The following BICC1 variants were observed in gnomAD, a reference collection of about 807,000 sequenced individuals.
BICC1 encodes the protein BicC family RNA binding protein 1, also known as protein bicaudal C homolog 1.
In BICC1, 43 loss-of-function variants were observed where a neutral mutation model predicts 111.0. That is an observed-to-expected ratio of 0.39 (90% CI 0.30 to 0.50). The LOEUF (loss-of-function observed/expected upper bound fraction) is 0.50. Ranked by LOEUF, BICC1 falls within the 20% of genes least tolerant of loss-of-function variation. The pLI is 0.88. For missense variants in BICC1, 1,091 were observed against 1,203.2 expected (o/e 0.91, Z 1.38); for synonymous variants, 467 against 434.4 (o/e 1.07, Z -0.93).
At chr10:58,574,791 C>CA (rs1844059695) in intron 1 of BICC1, among the ~76,000 whole-genome samples, 1 of 151,994 alleles carries the variant, frequency 6.6e-6, no homozygotes, top group Non-Finnish European at 1.5e-5. Flanking sequence ...TTTTCTAAGA[C>CA]AAAAAATTCA....
At chr10:58,637,280 GT>G (rs1837979761) in intron 2 of BICC1, among the ~76,000 whole-genome samples, 3 of 152,228 alleles carry the variant, frequency 2.0e-5, no homozygotes, top group African/African-American at 7.2e-5. Flanking sequence ...TTAGAAATAT[GT>G]TTTTTCCTTT....
At position 58,656,889 on chromosome 10, in the gene BICC1, C is replaced by T. The variant is rs547328874; in HGVS notation, c.237+35988C>T. ...AAATCACAGATGGTTAATTTTATCT[C>T]GGCATAACAGTTTATAATCTTGACA... On this transcript the variant is annotated intron_variant, in intron 2 of 20. Coordinates refer to ENST00000373886, the MANE Select transcript of BICC1 (RefSeq NM_001080512.3). 1.2e-4 allele frequency among the ~76,000 whole-genome samples: 19 copies of T among 152,252 alleles called. No individual in the cohort carries two copies. In the South Asian group the frequency reaches 1.5e-3, roughly 12 times the overall value.
rs573301728 is a variant in BICC1, at chr10:58,598,132, A to T, written c.191-22723A>T. The stretch of plus-strand genomic sequence containing the variant: ...TGCTGCAGCTCCAGCTGGTCCCTCT[A>T]TTCAGGGTCCCTGACTTCTCACAAC... On this transcript the variant is annotated intron_variant, in intron 1 of 20. Transcript: ENST00000373886. 2.2e-4 allele frequency among the ~76,000 whole-genome samples: 34 copies of T among 152,162 alleles called. No individual in the cohort carries two copies. The South Asian group carries it at 3.1e-3, about 14-fold the overall frequency.
At chr10:58,542,529 C>A (rs1054733751) in intron 1 of BICC1, among the ~76,000 whole-genome samples, 1 of 151,994 alleles carries the variant, frequency 6.6e-6, no homozygotes, top group African/African-American at 2.4e-5. Flanking sequence ...GGACATCAGA[C>A]CTAAAAACTT....
intron 3 of BICC1, among the ~76,000 whole-genome samples, chr10:58,707,456 G>A (rs919812152): frequency 8.5e-5 from 13 of 152,102 alleles, no homozygotes; most frequent in African/African-American, 1.2e-4. Flanking sequence ...AGGTTAGTGC[G>A]TCGCAGCCAA....
Position 58,813,935 on chromosome 10 carries a change from A to C in BICC1, c.2482A>C (p.Ser828Arg). The change falls in exon 18 of 21, where the codon AGT becomes CGT. Residue 828 changes from serine to arginine, a missense_variant. Around this residue, in one of 3 missense-constraint regions of BICC1, gnomAD observed 231 missense variants for 256.2 expected, o/e 0.90. Coordinates refer to ENST00000373886, the MANE Select transcript of BICC1 (RefSeq NM_001080512.3). ...AAATGGAATTGGACCTGGAAGTCAT[A>C]GTGAATTTGCAGCTTCTATTGGCAG... ...DRNGIGPGSH[S>R]EFAASIGSPK... The C allele has an allele frequency of 6.2e-7, 1 of 1,614,058 alleles. No homozygotes were observed. Among genetic ancestry groups the C allele is most frequent in the East Asian group, 2.2e-5 (1 of 44,858 alleles).
chr10:58,819,129 G>A (rs1279533601), intron 19 of BICC1, among the ~76,000 whole-genome samples: 1 of 152,076 alleles, frequency 6.6e-6, no homozygotes, highest in East Asian at 1.9e-4. Context: ...TTTACATATT[G>A]TCTATGGCTT....
chr10:58,589,690 A>G (rs977485429), intron 1 of BICC1, among the ~76,000 whole-genome samples: 11 of 152,124 alleles, frequency 7.2e-5, no homozygotes, highest in Non-Finnish European at 1.5e-4. Flanking sequence ...TGTCCAGGCC[A>G]GTCTTGAACT....
rs1234050866 is a variant in BICC1, at chr10:58,755,141, GT to G, written c.308-29858del. Among the ~76,000 whole-genome samples, 4 of 152,274 alleles carry G rather than the reference GT, an allele frequency of 2.6e-5. No individual in the cohort carries two copies. The East Asian group carries it at 7.7e-4, about 29-fold the overall frequency. ...TTTCTTTGTTTTTTGTTTTCATAGA[GT>G]TGTTTTGGGCTTGGTGACTGTTTCA... is the stretch of plus-strand genomic sequence containing the variant. On this transcript the variant is annotated intron_variant, in intron 3 of 20. Transcript: ENST00000373886.
At chr10:58,784,449 G>A (rs1312844762) in intron 3 of BICC1, among the ~76,000 whole-genome samples, 2 of 152,160 alleles carry the variant, frequency 1.3e-5, no homozygotes, top group Admixed American at 1.3e-4. Context: ...CTTCACTGTG[G>A]TGATGTCTTT....
chr10:58,599,755 G>A (rs1467328916), intron 1 of BICC1, among the ~76,000 whole-genome samples: 1 of 152,108 alleles, frequency 6.6e-6, no homozygotes, highest in African/African-American at 2.4e-5. Context: ...TGGATTACCT[G>A]TTCAAGGCAC....
At chr10:58,615,884 G>A (rs564935660) in intron 1 of BICC1, among the ~76,000 whole-genome samples, 31 of 152,308 alleles carry the variant, frequency 2.0e-4, no homozygotes, top group African/African-American at 6.7e-4. Context: ...GCAGCTGCAA[G>A]TGCAAAGCCC....
intron 3 of BICC1, among the ~76,000 whole-genome samples, chr10:58,714,871 TAAAAA>T (rs544106801): frequency 8.5e-6 from 1 of 117,656 alleles, no homozygotes; most frequent in Non-Finnish European, 1.8e-5. Context: ...TCTCATTAGC[TAAAAA>T]AAAAAAAAAA....
intron 1 of BICC1, 52 bp downstream of exon 1, chr10:58,513,385 T>G (rs1432009498): frequency 6.7e-7 from 1 of 1,485,176 alleles, no homozygotes; most frequent in East Asian, 2.7e-5. Flanking sequence ...TAACTCCTTT[T>G]CGGACATCCC....
chr10:58,624,743 G>A (rs1051001420), intron 2 of BICC1, among the ~76,000 whole-genome samples: 4 of 151,998 alleles, frequency 2.6e-5, no homozygotes, highest in Non-Finnish European at 5.9e-5. Context: ...ACAGGCATGC[G>A]CCACCACGCC....
chr10:58,780,423 C>G (rs1167115528), intron 3 of BICC1, among the ~76,000 whole-genome samples: 2 of 152,126 alleles, frequency 1.3e-5, no homozygotes, highest in African/African-American at 4.8e-5. Context: ...GGAAGACATA[C>G]TGTGAATTTA....
intron 3 of BICC1, among the ~76,000 whole-genome samples, chr10:58,710,207 A>G (rs1840529833): frequency 6.6e-6 from 1 of 152,184 alleles, no homozygotes; most frequent in South Asian, 2.1e-4. Context: ...TAGTTTGCCC[A>G]TGGTTTTCCA....
At chr10:58,758,767 G>A (rs1842218504) in intron 3 of BICC1, among the ~76,000 whole-genome samples, 1 of 152,134 alleles carries the variant, frequency 6.6e-6, no homozygotes, top group East Asian at 1.9e-4. Context: ...GGGAATAAAA[G>A]AGCAAGAGAT....
chr10:58,566,188 A>C (rs760255047), intron 1 of BICC1, among the ~76,000 whole-genome samples: 1 of 150,880 alleles, frequency 6.6e-6, no homozygotes, highest in Non-Finnish European at 1.5e-5. Flanking sequence ...ACACGTGTGT[A>C]TATGTGTGTA....
Sources: gnomAD v4.1 joint callset for allele counts (sites outside exome capture counted in the v4.1 genomes callset) on GRCh38, gnomAD v4.1.1 for gene constraint, gnomAD v4.1.1 regional missense constraint, MANE v1.5 for transcripts, NCBI Gene and HGNC (gene_info 2026-07-23, HGNC 2026-07-21) for gene names.